The following SORCS2 variants were observed in gnomAD, a reference collection of about 807,000 sequenced individuals.
SORCS2 encodes sortilin related VPS10 domain containing receptor 2.
In SORCS2, 100 loss-of-function variants were observed where a neutral mutation model predicts 141.6. The ratio of observed to expected loss-of-function variants is 0.71; its 90% CI spans 0.60 to 0.83. The LOEUF (loss-of-function observed/expected upper bound fraction) is 0.83. SORCS2 is among the 40% of genes least tolerant of loss of function. The pLI, the probability that SORCS2 is intolerant of heterozygous loss-of-function variation, is 0.00. For synonymous variants in SORCS2, 789 were observed against 676.9 expected (o/e 1.17, Z -2.57); for missense variants, 1,646 against 1,560.2 (o/e 1.05, Z -0.93).
chr4:7,433,274 TG>T, intron 2 of SORCS2: 1 of 1,349,400 alleles, frequency 7.4e-7, no homozygotes. Context: ...ACCCACCTCA[TG>T]GGCCTCGCTA....
Position 7,257,438 on chromosome 4 carries a change from C to T in SORCS2, c.480+64312C>T, listed in dbSNP as rs556311198. ...CAGTGTAAGTATGGACCCTGAGAGG[C>T]GGCAGGGCAGGGAGAGCCTCTCCGC... On this transcript the variant is annotated intron_variant, in intron 1 of 26. Transcript: ENST00000507866. Among the ~76,000 whole-genome samples the T allele has an allele frequency of 6.5e-4, 99 of 152,188 alleles. 1 individual carries two copies. The highest frequency in any genetic ancestry group is 1.9e-3 in the South Asian group (9 of 4,810).
At chr4:7,384,949 T>A (rs988246224) in intron 1 of SORCS2, among the ~76,000 whole-genome samples, 2 of 152,194 alleles carry the variant, frequency 1.3e-5, no homozygotes, top group African/African-American at 4.8e-5. Flanking sequence ...CAGAAGATTC[T>A]TAGAGGGAAA....
intron 1 of SORCS2, among the ~76,000 whole-genome samples, chr4:7,239,302 T>C (rs6822598): frequency 0.18 from 27,662 of 152,272 alleles, 3,201 homozygotes; most frequent in African/African-American, 0.33. Context: ...CACCGAGGGA[T>C]CTGGGGCAGG....
chr4:7,352,815 G>C (rs1721023659), intron 1 of SORCS2, among the ~76,000 whole-genome samples: 1 of 152,204 alleles, frequency 6.6e-6, no homozygotes, highest in South Asian at 2.1e-4. Context: ...GTTTCAGAAA[G>C]AAAACTTTGG....
chr4:7,470,404 T>A (rs940698321), intron 2 of SORCS2, among the ~76,000 whole-genome samples: 1 of 152,088 alleles, frequency 6.6e-6, no homozygotes, highest in Non-Finnish European at 1.5e-5. Flanking sequence ...CATCCATCCA[T>A]CCAGCCATCC....
chr4:7,392,905 G>T (rs35676666), intron 1 of SORCS2, among the ~76,000 whole-genome samples: 24 of 137,920 alleles, frequency 1.7e-4, no homozygotes, highest in Admixed American at 1.2e-3. Flanking sequence ...AGTCGGGGGG[G>T]GGGGGGTGCT....
intron 3 of SORCS2, among the ~76,000 whole-genome samples, chr4:7,618,772 C>T (rs747484432): frequency 1.2e-4 from 18 of 152,028 alleles, no homozygotes; most frequent in Admixed American, 8.5e-4. Flanking sequence ...TTATATTTGC[C>T]GTGGTTTTTT....
chr4:7,341,821 A>G (rs561464629), intron 1 of SORCS2, among the ~76,000 whole-genome samples: 4 of 152,300 alleles, frequency 2.6e-5, no homozygotes, highest in South Asian at 2.1e-4. Flanking sequence ...CATCTCCCCA[A>G]AAGGAAACTC....
chr4:7,570,500 C>A (rs1055637751), intron 3 of SORCS2, among the ~76,000 whole-genome samples: 4 of 152,248 alleles, frequency 2.6e-5, no homozygotes, highest in African/African-American at 9.6e-5. Flanking sequence ...GTGTGTGTCC[C>A]CATCTGCATG....
chr4:7,255,866 G>A (rs1447687755), intron 1 of SORCS2, among the ~76,000 whole-genome samples: 98 of 8,620 alleles, frequency 0.011, no homozygotes, highest in Admixed American at 0.069. Flanking sequence ...GGGCTGGAGC[G>A]TGGGGCCCCG....
At chr4:7,501,081 A>G (rs995856314) in intron 2 of SORCS2, among the ~76,000 whole-genome samples, 2 of 152,138 alleles carry the variant, frequency 1.3e-5, no homozygotes, top group Non-Finnish European at 2.9e-5. Flanking sequence ...AAAAGCACCT[A>G]TGTTTTTCTC....
chr4:7,587,620 C>T (rs894057058), intron 3 of SORCS2, among the ~76,000 whole-genome samples: 45 of 152,194 alleles, frequency 3.0e-4, no homozygotes, highest in Admixed American at 2.6e-4. Flanking sequence ...CACCTGGAGT[C>T]GCCTCTCTAG....
chr4:7,480,836 G>A (rs116644028), intron 2 of SORCS2, among the ~76,000 whole-genome samples: 175 of 152,368 alleles, frequency 1.1e-3, no homozygotes, highest in Non-Finnish European at 2.0e-3. Context: ...GAGAGCAGGT[G>A]TACCCCACAG....
chr4:7,580,234 C>T (rs1716051895), intron 3 of SORCS2, among the ~76,000 whole-genome samples: 1 of 152,206 alleles, frequency 6.6e-6, no homozygotes, highest in Admixed American at 6.5e-5. Context: ...GTAATCCCAG[C>T]ACTTTGGGAG....
intron 5 of SORCS2, among the ~76,000 whole-genome samples, chr4:7,655,208 C>T (rs1016189598): frequency 8.3e-4 from 127 of 152,118 alleles, no homozygotes; most frequent in African/African-American, 3.0e-3. Context: ...CGTGTACACA[C>T]ACACACACAC....
rs545600684 is a variant in SORCS2 at position 7,356,990 on chromosome 4, TGAGCAGAGCAGAGGAGCCTCA to T, written c.481-39297_481-39277del. Among the ~76,000 whole-genome samples, 79 of 152,278 alleles carry T rather than the reference TGAGCAGAGCAGAGGAGCCTCA, an allele frequency of 5.2e-4. 1 individual carries two copies. In the South Asian group the frequency reaches 0.013, roughly 26 times the overall value. Reference sequence around the variant, plus strand: ...CCTTTTCTCATCTCATCCTTCCCAATGAGCAGAGCAGAGGAGCCTCACTGTAGAGCTGGGGACGGTGGGCTG... The same window carrying T: ...CCTTTTCTCATCTCATCCTTCCCAATCTGTAGAGCTGGGGACGGTGGGCTG... On this transcript the variant is annotated intron_variant, in intron 1 of 26. Coordinates refer to ENST00000507866, the MANE Select transcript of SORCS2 (RefSeq NM_020777.3).
At chr4:7,230,967 A>T (rs553155241) in intron 1 of SORCS2, among the ~76,000 whole-genome samples, 1 of 152,346 alleles carries the variant, frequency 6.6e-6, no homozygotes, top group Admixed American at 6.5e-5. Context: ...CAGAGCCAGT[A>T]GGAAGTGTGT....
chr4:7,414,616 C>G (rs866796824), intron 2 of SORCS2, among the ~76,000 whole-genome samples: 44 of 152,002 alleles, frequency 2.9e-4, no homozygotes, highest in African/African-American at 1.0e-3. Context: ...GAGGGGGACT[C>G]AAATGTAATA....
At chr4:7,273,604 C>T (rs537945194) in intron 1 of SORCS2, among the ~76,000 whole-genome samples, 2 of 152,318 alleles carry the variant, frequency 1.3e-5, no homozygotes, top group African/African-American at 4.8e-5. Context: ...TCCACCTTTG[C>T]ACCCCTACTG....
Sources: gnomAD v4.1 joint callset for allele counts (sites outside exome capture counted in the v4.1 genomes callset) on GRCh38, gnomAD v4.1.1 for gene constraint, MANE v1.5 for transcripts, NCBI Gene and HGNC (gene_info 2026-07-23, HGNC 2026-07-21) for gene names.